EXD1: variants seen among roughly 807,000 people sequenced by gnomAD.
EXD1 encodes piRNA biogenesis protein EXD1.
EXD1 carries 63 observed loss-of-function variants against 49.1 expected under a neutral mutation model. The observed-to-expected ratio is 1.28, with a 90% confidence interval of 1.05 to 1.58. EXD1 has a LOEUF of 1.58. Among genes scored for constraint, EXD1 ranks in the 40% most tolerant of loss-of-function variants. The probability of loss-of-function intolerance (pLI) is 0.00; values close to 1 mark genes in which losing one functional copy is unlikely to be tolerated. For missense variants in EXD1, 748 were observed against 666.0 expected (o/e 1.12, Z -1.36); for synonymous variants, 234 against 239.2 (o/e 0.98, Z 0.20).
At chr15:41,193,992 A>C (rs572983327) in intron 9 of EXD1, among the ~76,000 whole-genome samples, 1 of 147,704 alleles carries the variant, frequency 6.8e-6, no homozygotes, top group Non-Finnish European at 1.5e-5. Flanking sequence ...AAATGGAATG[A>C]CAAGTGATTT....
At chr15:41,192,790 A>ATTTT (rs57676752) in intron 9 of EXD1, among the ~76,000 whole-genome samples, 1 of 74,770 alleles carries the variant, frequency 1.3e-5, no homozygotes, top group African/African-American at 6.6e-5. Flanking sequence ...TATTCTTAAG[A>ATTTT]TTTTTTTTTT....
Position 41,221,792 on chromosome 15 carries a change from A to G in EXD1, c.134-1894T>C, listed in dbSNP as rs1470814098. ...TGGACTATTCTTCTCAGCTCCCCTC[A>G]TATTTTCAACTAAGAACAGACTTAC... On this transcript the variant is annotated intron_variant, in intron 2 of 11. Transcript: ENST00000458580. Among the ~76,000 whole-genome samples, 5 of 151,974 alleles carry G rather than the reference A, an allele frequency of 3.3e-5. No individual in the cohort carries two copies. The East Asian group carries it at 7.7e-4, about 24-fold the overall frequency.
chr15:41,195,797 A>G lies in EXD1; in HGVS notation c.698T>C (p.Leu233Pro). The G allele has an allele frequency of 1.9e-6, 3 of 1,613,616 alleles. No individual in the cohort carries two copies. The highest frequency in any genetic ancestry group is 8.5e-7 in the Non-Finnish European group (1 of 1,179,864). Reference protein sequence around the residue: ...DCLSHQYGILLNNVFDTQVAD... With the variant: ...DCLSHQYGILPNNVFDTQVAD... ...TACCTGTGTGTCAAAGACATTATTCAGCAAAATTCCATACTGATGAGAGAG... is the reference window on the plus strand; with the variant it reads ...TACCTGTGTGTCAAAGACATTATTCGGCAAAATTCCATACTGATGAGAGAG... Residue 233 changes from leucine to proline, a missense_variant, in exon 9 of 12, where the codon CTG becomes CCG. Transcript: ENST00000458580.
At chr15:41,230,407 T>C (rs2047222362) in intron 1 of EXD1, 72 bp downstream of exon 1, 3 of 1,504,466 alleles carry the variant, frequency 2.0e-6, no homozygotes, top group African/African-American at 1.4e-5. Flanking sequence ...AAACAAACAA[T>C]ACACCATGAG....
chr15:41,230,620 G>T lies in EXD1; in HGVS notation c.-195C>A. ...CTAAAAGAAGAGGGGCTGCAATGAA[G>T]GAAGAAGTCTCGGGACGCTCCACGC... On this transcript the variant is annotated 5_prime_UTR_variant, in exon 1 of 12. Coordinates refer to ENST00000458580, the MANE Select transcript of EXD1 (RefSeq NM_001286441.2). 6.6e-7 allele frequency: 1 copy of T among 1,512,778 alleles called. No homozygotes were observed. The allele number at this position is 1,512,778 out of a possible 1,614,324, so 93.7% of individuals were successfully genotyped here.
intron 9 of EXD1, chr15:41,192,198 C>T (rs2046531511): frequency 6.6e-6 from 1 of 152,580 alleles, no homozygotes; most frequent in African/African-American, 2.4e-5. Flanking sequence ...AACTCCTTAG[C>T]TCAAGCAATC....
chr15:41,219,961 G>A, intron 2 of EXD1, 63 bp from the exon 3 acceptor site: 1 of 1,270,490 alleles, frequency 7.9e-7, no homozygotes, highest in East Asian at 2.6e-5. Flanking sequence ...AAGAAAATAT[G>A]ATGCCTCTCA....
rs548255311 is a variant in EXD1 at position 41,213,234 on chromosome 15, C to T, written c.447+2541G>A. Among the ~76,000 whole-genome samples the T allele has an allele frequency of 1.5e-3, 229 of 151,870 alleles. 1 individual carries two copies. Among genetic ancestry groups the T allele is most frequent in the African/African-American group, 5.4e-3 (222 of 41,356 alleles). On this transcript the variant is annotated intron_variant, in intron 6 of 11. Transcript: ENST00000458580. ...TTATTTTTTTTGAGATAGAGTCTCACTCTGTCACCCAGGCTGGAGTGCAGT... is the reference window on the plus strand; with the variant it reads ...TTATTTTTTTTGAGATAGAGTCTCATTCTGTCACCCAGGCTGGAGTGCAGT...
At chr15:41,223,855 A>C (rs2140906793) in intron 2 of EXD1, among the ~76,000 whole-genome samples, 1 of 151,654 alleles carries the variant, frequency 6.6e-6, no homozygotes, top group Non-Finnish European at 1.5e-5. Flanking sequence ...ACACAGCGAG[A>C]CTCTGTTTCA....
rs141708438 is a variant in EXD1 at position 41,217,233 on chromosome 15, G to A, written c.203-79C>T. On this transcript the variant is annotated intron_variant, in intron 3 of 11. Coordinates refer to ENST00000458580, the MANE Select transcript of EXD1 (RefSeq NM_001286441.2). ...CTACTCCACTACCCACACACCCCTA[G>A]TTTAACCATGTACTGCAAACAATAA... is the stretch of plus-strand genomic sequence containing the variant. The A allele has an allele frequency of 1.0e-4, 122 of 1,162,216 alleles. No homozygotes were observed. The East Asian group carries it at 2.9e-3, about 28-fold the overall frequency. 72.0% of individuals were successfully genotyped at this position (1,162,216 alleles called of 1,614,324 possible).
intron 7 of EXD1, among the ~76,000 whole-genome samples, chr15:41,198,603 C>A (rs2046653407): frequency 6.6e-6 from 1 of 152,016 alleles, no homozygotes; most frequent in Non-Finnish European, 1.5e-5. Context: ...GTGGGAGGAT[C>A]ACTTGAGCCT....
intron 7 of EXD1, among the ~76,000 whole-genome samples, chr15:41,202,244 G>A (rs907521998): frequency 1.3e-5 from 2 of 151,430 alleles, no homozygotes; most frequent in East Asian, 1.9e-4. Flanking sequence ...GCGTGATCTC[G>A]GCTCACTGCA....
rs1027152109 is a variant in EXD1, at chr15:41,190,874, A to G, written c.864+568T>C. 5.3e-5 allele frequency among the ~76,000 whole-genome samples: 8 copies of G among 150,090 alleles called. No homozygotes were observed. The East Asian group carries it at 1.6e-3, about 29-fold the overall frequency. ...AAATTTCCCCCTTGTCCCAGCTAGA[A>G]AATTTATTTAAGAGTGCTTATTTGT... On this transcript the variant is annotated intron_variant, in intron 10 of 11. Coordinates refer to ENST00000458580, the MANE Select transcript of EXD1 (RefSeq NM_001286441.2).
intron 6 of EXD1, among the ~76,000 whole-genome samples, chr15:41,213,976 G>C (rs185030997): frequency 6.6e-6 from 1 of 152,090 alleles, no homozygotes; most frequent in East Asian, 1.9e-4. Context: ...GACCATCCTG[G>C]CTAACACGGT....
Position 41,226,470 on chromosome 15 carries a change from G to T in EXD1, c.106C>A (p.Pro36Thr), listed in dbSNP as rs576304428. 3.9e-4 allele frequency: 595 copies of T among 1,535,894 alleles called. 1 individual carries two copies. Among genetic ancestry groups the T allele is most frequent in the Non-Finnish European group, 4.8e-4 (549 of 1,146,858 alleles). Residue 36 changes from proline to threonine, a missense_variant, in exon 2 of 12, where the codon CCT becomes ACT. Physicochemically the swap from Pro to Thr is conservative, Grantham distance 38. Coordinates refer to ENST00000458580, the MANE Select transcript of EXD1 (RefSeq NM_001286441.2). ...TTCTTCAGGACAACAATCTTATTAG[G>T]GTCAACATGCTGAAGCACACCCTCG... ...VFEGVLQHVD[P>T]NKIVVLKKVK...
chr15:41,214,242 G>T (rs930919069), intron 6 of EXD1, among the ~76,000 whole-genome samples: 9 of 152,108 alleles, frequency 5.9e-5, no homozygotes, highest in Non-Finnish European at 1.0e-4. Context: ...CAGGGACAGT[G>T]GCTTACACCT....
At chr15:41,227,445 A>C (rs573889519) in intron 1 of EXD1, among the ~76,000 whole-genome samples, 1 of 152,292 alleles carries the variant, frequency 6.6e-6, no homozygotes, top group Non-Finnish European at 1.5e-5. Flanking sequence ...CGAGGTGGGC[A>C]GATAATCTGA....
chr15:41,201,881 G>C (rs2046734179), intron 7 of EXD1, among the ~76,000 whole-genome samples: 1 of 152,052 alleles, frequency 6.6e-6, no homozygotes, highest in Admixed American at 6.6e-5. Context: ...GCCAGGCGTG[G>C]TGTGGCTCAT....
intron 4 of EXD1, 114 bp from the exon 5 acceptor site, chr15:41,216,909 C>A: frequency 6.8e-7 from 1 of 1,480,724 alleles, no homozygotes; most frequent in South Asian, 1.3e-5. Flanking sequence ...ACTAGAGGAC[C>A]CATTCATCCA....
Sources: gnomAD v4.1 joint callset for allele counts (sites outside exome capture counted in the v4.1 genomes callset) on GRCh38, gnomAD v4.1.1 for gene constraint, MANE v1.5 for transcripts, NCBI Gene and HGNC (gene_info 2026-07-23, HGNC 2026-07-21) for gene names.